The following PRMT7 variants were observed in gnomAD, a reference collection of about 807,000 sequenced individuals.
The protein encoded by PRMT7 is protein arginine methyltransferase 7, also known as protein arginine N-methyltransferase 7.
PRMT7 carries 75 observed loss-of-function variants against 85.4 expected under a neutral mutation model. That is an observed-to-expected ratio of 0.88 (90% CI 0.73 to 1.06). PRMT7 has a LOEUF of 1.06. PRMT7 is among the 50% of genes least tolerant of loss of function. The pLI is 0.00. For missense variants in PRMT7, 868 were observed against 915.2 expected (o/e 0.95, Z 0.67); for synonymous variants, 397 against 359.5 (o/e 1.10, Z -1.18).
At chr16:68,325,610 G>A (rs2083016696) in intron 5 of PRMT7, among the ~76,000 whole-genome samples, 1 of 152,102 alleles carries the variant, frequency 6.6e-6, no homozygotes, top group Admixed American at 6.6e-5. Context: ...GACCAACATG[G>A]TGAAACTCCA....
At chr16:68,350,308 T>C (rs576792605) in intron 14 of PRMT7, among the ~76,000 whole-genome samples, 2 of 152,288 alleles carry the variant, frequency 1.3e-5, no homozygotes, top group South Asian at 2.1e-4. Context: ...CTGGGTCATG[T>C]GGTAGTTACG....
chr16:68,330,112 T>C (rs2083650678), intron 6 of PRMT7, among the ~76,000 whole-genome samples: 1 of 152,072 alleles, frequency 6.6e-6, no homozygotes, highest in Admixed American at 6.5e-5. Context: ...CAGGCTGGTC[T>C]TGAACCCCTG....
At chr16:68,342,945 C>T (rs2085755535) in intron 9 of PRMT7, among the ~76,000 whole-genome samples, 1 of 152,196 alleles carries the variant, frequency 6.6e-6, no homozygotes, top group South Asian at 2.1e-4. Context: ...GTGGCTCACT[C>T]CTATAATCCC....
chr16:68,329,260 C>G, intron 6 of PRMT7, 86 bp downstream of exon 6: 2 of 1,014,898 alleles, frequency 2.0e-6, no homozygotes, highest in South Asian at 2.7e-5. Context: ...TGGAACAAAT[C>G]CAGGTCATAG....
chr16:68,315,141 A>C (rs1314793587), intron 2 of PRMT7: 1 of 151,784 alleles, frequency 6.6e-6, no homozygotes, highest in East Asian at 1.9e-4. Context: ...AAAGAATGCT[A>C]ATATCGTGAA....
chr16:68,318,219 A>T (rs79552137), intron 3 of PRMT7, among the ~76,000 whole-genome samples: 7 of 104,112 alleles, frequency 6.7e-5, no homozygotes, highest in African/African-American at 2.9e-4. Flanking sequence ...TTTTTTTTTG[A>T]GACAGAGTCT....
At chr16:68,353,782 G>A (rs1031796331) in intron 16 of PRMT7, among the ~76,000 whole-genome samples, 1 of 152,198 alleles carries the variant, frequency 6.6e-6, no homozygotes. Context: ...GGGCCTGCAC[G>A]TCCTGTCATT....
chr16:68,342,135 G>A (rs1235979280), intron 9 of PRMT7, among the ~76,000 whole-genome samples: 3 of 152,052 alleles, frequency 2.0e-5, no homozygotes, highest in East Asian at 1.9e-4. Flanking sequence ...AAAATTACCC[G>A]GATGTGGTGG....
At chr16:68,342,377 G>T (rs2085675552) in intron 9 of PRMT7, among the ~76,000 whole-genome samples, 1 of 152,214 alleles carries the variant, frequency 6.6e-6, no homozygotes, top group Non-Finnish European at 1.5e-5. Flanking sequence ...GGACATTAAA[G>T]CAAAATGGGG....
At chr16:68,329,015 A>G (rs748521742) in intron 5 of PRMT7, 51 bp from the exon 6 acceptor site, 2 of 1,288,564 alleles carry the variant, frequency 1.6e-6, no homozygotes, top group Non-Finnish European at 2.3e-6. Context: ...AGGTCAGACT[A>G]CTGTTTAATT....
chr16:68,322,715 A>G (rs2082639053), intron 4 of PRMT7, among the ~76,000 whole-genome samples: 1 of 93,394 alleles, frequency 1.1e-5, no homozygotes, highest in Non-Finnish European at 2.2e-5. Flanking sequence ...GACGCTGTTC[A>G]TCAATTTTTT....
At chr16:68,344,967 C>CTTT (rs1292880023) in intron 9 of PRMT7, among the ~76,000 whole-genome samples, 1 of 94,578 alleles carries the variant, frequency 1.1e-5, no homozygotes, top group Non-Finnish European at 2.2e-5. Flanking sequence ...CGGGCATGCA[C>CTTT]ATTTTTTTTT....
intron 5 of PRMT7, among the ~76,000 whole-genome samples, chr16:68,325,724 G>C (rs2083032139): frequency 6.6e-6 from 1 of 151,350 alleles, no homozygotes; most frequent in African/African-American, 2.4e-5. Flanking sequence ...CCAGGAGGCA[G>C]AGGTTACAGT....
rs775554703 is a variant in PRMT7 at position 68,357,349 on chromosome 16, C to G, written c.*125C>G. ...TGCTCGGCCTCAGGGATGGGAAAGA[C>G]TGCGCCGTGTTGCATCTTGTTGCAT... On this transcript the variant is annotated 3_prime_UTR_variant, in exon 19 of 19. Transcript: ENST00000441236. 3 of 1,067,316 alleles carry G rather than the reference C, an allele frequency of 2.8e-6. No homozygotes were observed. Among genetic ancestry groups the G allele is most frequent in the Non-Finnish European group, 4.0e-6 (3 of 746,472 alleles). The allele number at this position is 1,067,316 out of a possible 1,614,324, so 66.1% of individuals were successfully genotyped here. A position where few individuals can be genotyped will look rare whatever the true frequency, so the allele number is the denominator to read the frequency against.
intron 9 of PRMT7, among the ~76,000 whole-genome samples, chr16:68,344,549 A>G (rs940557851): frequency 3.3e-5 from 5 of 152,020 alleles, no homozygotes; most frequent in African/African-American, 1.2e-4. Context: ...GGTGGGTTCC[A>G]GTTTTTGCTG....
intron 3 of PRMT7, among the ~76,000 whole-genome samples, chr16:68,319,711 A>AGAGTGTGTGTGTGTGT (rs1555543581): frequency 1.6e-4 from 23 of 141,544 alleles, no homozygotes; most frequent in East Asian, 6.5e-4. Flanking sequence ...TAAGAGTGAG[A>AGAGTGTGTGTGTGTGT]GTGTGTGTGT....
intron 17 of PRMT7, among the ~76,000 whole-genome samples, chr16:68,356,205 A>G (rs2088419053): frequency 6.6e-6 from 1 of 152,198 alleles, no homozygotes; most frequent in African/African-American, 2.4e-5. Context: ...CCCTCCTGGG[A>G]GCTGAAGCAG....
At chr16:68,324,560 G>T in intron 4 of PRMT7, 123 bp from the exon 5 acceptor site, 2 of 1,209,168 alleles carry the variant, frequency 1.7e-6, no homozygotes, top group Non-Finnish European at 2.3e-6. Context: ...TCTGCCAGGG[G>T]CCAGAAAGGC....
At chr16:68,349,120 C>T (rs76199931) in intron 14 of PRMT7, among the ~76,000 whole-genome samples, 7,178 of 152,224 alleles carry the variant, frequency 0.047, 230 homozygotes, top group Non-Finnish European at 0.074. Context: ...CCAGCAACCT[C>T]GTCGTTACTC....
Sources: allele counts gnomAD v4.1 joint callset (sites outside exome capture counted in the v4.1 genomes callset), GRCh38; gene constraint gnomAD v4.1.1; transcripts MANE v1.5; gene names NCBI Gene and HGNC (gene_info 2026-07-23, HGNC 2026-07-21).